Variants in SGCZ observed in about 807,000 individuals in gnomAD.
The protein encoded by SGCZ is zeta-sarcoglycan.
A neutral mutation model predicts 41.3 loss-of-function variants in SGCZ; 40 were observed. The ratio of observed to expected loss-of-function variants is 0.97; its 90% CI spans 0.75 to 1.26. The LOEUF is 1.26. SGCZ is among the 50% of genes most tolerant of loss of function. The probability of loss-of-function intolerance (pLI) is 0.00; values close to 1 mark genes in which losing one functional copy is unlikely to be tolerated. For synonymous variants in SGCZ, 206 were observed against 137.5 expected (o/e 1.50, Z -3.49); for missense variants, 552 against 369.8 (o/e 1.49, Z -4.04).
chr8:14,867,638 G>C (rs979196145), intron 1 of SGCZ, among the ~76,000 whole-genome samples: 3 of 151,966 alleles, frequency 2.0e-5, no homozygotes, highest in African/African-American at 7.2e-5. Flanking sequence ...TTTAATATGA[G>C]CCATTATCCT....
chr8:14,640,804 T>G lies in SGCZ; in HGVS notation c.40-85878A>C, dbSNP rs539912156. On this transcript the variant is annotated intron_variant, in intron 1 of 7. Coordinates refer to ENST00000382080, the MANE Select transcript of SGCZ (RefSeq NM_139167.4). ...TCTGTCCAGAGACAGTCAAAGCACA[T>G]CTCATCTTTTCTGATAGCTGGAGCC... Among the ~76,000 whole-genome samples the G allele has an allele frequency of 5.9e-5, 9 of 151,696 alleles. 1 individual carries two copies. In the South Asian group the frequency reaches 1.7e-3, roughly 28 times the overall value.
chr8:14,568,247 A>T (rs1804440098), intron 1 of SGCZ, among the ~76,000 whole-genome samples: 1 of 151,752 alleles, frequency 6.6e-6, no homozygotes. Flanking sequence ...GTGGGGAGAA[A>T]GAGGAGGGAG....
chr8:14,871,836 A>G (rs536830608), intron 1 of SGCZ, among the ~76,000 whole-genome samples: 64 of 150,984 alleles, frequency 4.2e-4, no homozygotes, highest in Non-Finnish European at 6.9e-4. Flanking sequence ...ATATATATAT[A>G]TATGTATGTA....
At chr8:14,917,115 A>T (rs1311362476) in intron 1 of SGCZ, among the ~76,000 whole-genome samples, 1 of 152,132 alleles carries the variant, frequency 6.6e-6, no homozygotes, top group Non-Finnish European at 1.5e-5. Flanking sequence ...TACAGCTATT[A>T]GCTAATCAAA....
At chr8:14,552,824 T>G (rs1047989534) in intron 2 of SGCZ, among the ~76,000 whole-genome samples, 1 of 152,076 alleles carries the variant, frequency 6.6e-6, no homozygotes, top group Admixed American at 6.6e-5. Context: ...TTAATTTAAA[T>G]ATGCTTGAAA....
intron 1 of SGCZ, among the ~76,000 whole-genome samples, chr8:14,912,797 T>C (rs145726987): frequency 3.2e-4 from 48 of 152,210 alleles, no homozygotes; most frequent in African/African-American, 1.2e-3. Context: ...AACTTTGAGT[T>C]AAACAGTATC....
chr8:14,956,559 A>G (rs1473915970), intron 1 of SGCZ, among the ~76,000 whole-genome samples: 1 of 152,188 alleles, frequency 6.6e-6, no homozygotes, highest in East Asian at 1.9e-4. Context: ...CGGTGCATAC[A>G]ATGTCTTATA....
intron 5 of SGCZ, among the ~76,000 whole-genome samples, chr8:14,115,385 A>G (rs1409667952): frequency 6.6e-6 from 1 of 152,022 alleles, no homozygotes; most frequent in Non-Finnish European, 1.5e-5. Context: ...AAATGCAAAA[A>G]TATGCATTAA....
chr8:14,552,795 T>A (rs1263450050), intron 2 of SGCZ, among the ~76,000 whole-genome samples: 1 of 152,034 alleles, frequency 6.6e-6, no homozygotes. Flanking sequence ...TAATTACGCA[T>A]TTAAGTATAT....
chr8:14,508,169 C>T (rs1166555578), intron 2 of SGCZ, among the ~76,000 whole-genome samples: 2 of 152,118 alleles, frequency 1.3e-5, no homozygotes, highest in Non-Finnish European at 2.9e-5. Flanking sequence ...ACCTAACATA[C>T]TATGTAATTT....
intron 1 of SGCZ, among the ~76,000 whole-genome samples, chr8:15,031,574 C>A (rs1303165868): frequency 1.3e-5 from 2 of 152,112 alleles, no homozygotes; most frequent in African/African-American, 4.8e-5. Flanking sequence ...AAACTAATGG[C>A]CAAGAAAGTC....
intron 2 of SGCZ, among the ~76,000 whole-genome samples, chr8:14,476,852 C>T (rs918299853): frequency 1.3e-5 from 2 of 152,130 alleles, no homozygotes; most frequent in Admixed American, 1.3e-4. Context: ...GACAATCAGT[C>T]CCCAACCTCC....
chr8:14,806,258 T>C (rs370392195), intron 1 of SGCZ, among the ~76,000 whole-genome samples: 7,129 of 147,544 alleles, frequency 0.048, 361 homozygotes, highest in African/African-American at 0.13. Flanking sequence ...AATAGAGACA[T>C]AAAAAACCCT....
At chr8:15,164,908 C>T (rs534366826) in intron 1 of SGCZ, among the ~76,000 whole-genome samples, 1 of 152,212 alleles carries the variant, frequency 6.6e-6, no homozygotes, top group African/African-American at 2.4e-5. Flanking sequence ...TTGATACCTG[C>T]ATGTTTTCCC....
intron 3 of SGCZ, among the ~76,000 whole-genome samples, chr8:14,262,944 C>A (rs929256242): frequency 2.6e-5 from 4 of 152,044 alleles, no homozygotes; most frequent in South Asian, 2.1e-4. Context: ...ATTGAGAAAT[C>A]CCTTATTACC....
intron 1 of SGCZ, among the ~76,000 whole-genome samples, chr8:14,774,460 C>G (rs1167441784): frequency 6.6e-6 from 1 of 152,208 alleles, no homozygotes; most frequent in African/African-American, 2.4e-5. Flanking sequence ...ATTGTTCACA[C>G]CTGTGTCCCC....
Position 15,094,766 on chromosome 8 carries a change from G to A in SGCZ, c.39+142819C>T, listed in dbSNP as rs1460643333. Among the ~76,000 whole-genome samples, 5 of 152,290 alleles carry A rather than the reference G, an allele frequency of 3.3e-5. No individual in the cohort carries two copies. In the East Asian group the frequency reaches 5.8e-4, roughly 18 times the overall value. On this transcript the variant is annotated intron_variant, in intron 1 of 7. Coordinates refer to ENST00000382080, the MANE Select transcript of SGCZ (RefSeq NM_139167.4). ...TTTCCCCCATACTGTTCTCTTGATA[G>A]TGAGTTGTCTCAAGTTCTGATGGTT...
chr8:14,644,087 C>T (rs970686337), intron 1 of SGCZ, among the ~76,000 whole-genome samples: 6 of 151,710 alleles, frequency 4.0e-5, no homozygotes, highest in Middle Eastern at 3.2e-3. Context: ...TATGATCTAG[C>T]ATACCTATCA....
At chr8:14,664,359 A>G (rs113299748) in intron 1 of SGCZ, among the ~76,000 whole-genome samples, 226 of 152,330 alleles carry the variant, frequency 1.5e-3, no homozygotes, top group African/African-American at 5.1e-3. Flanking sequence ...ATGTTAGATT[A>G]CTTGAAACGA....
Sources: gnomAD v4.1 joint callset for allele counts (sites outside exome capture counted in the v4.1 genomes callset) on GRCh38, gnomAD v4.1.1 for gene constraint, MANE v1.5 for transcripts, NCBI Gene and HGNC (gene_info 2026-07-23, HGNC 2026-07-21) for gene names.